Variants in MAVS observed in about 807,000 individuals in gnomAD.
MAVS encodes the protein mitochondrial antiviral-signaling protein.
Under a neutral mutation model 30.2 loss-of-function variants are expected in MAVS, and 20 were observed. The observed-to-expected ratio is 0.66, with a 90% confidence interval of 0.47 to 0.96. The LOEUF (loss-of-function observed/expected upper bound fraction) is 0.96. MAVS is among the 40% of genes least tolerant of loss of function. MAVS has a pLI of 0.00. For synonymous variants in MAVS, 278 were observed against 293.9 expected (o/e 0.95, Z 0.55); for missense variants, 624 against 701.1 (o/e 0.89, Z 1.24).
At chr20:3,853,953 A>ATT (rs56392229) in intron 1 of MAVS, among the ~76,000 whole-genome samples, 1,585 of 132,728 alleles carry the variant, frequency 0.012, 25 homozygotes, top group East Asian at 0.038. Context: ...ATGCCCAGCT[A>ATT]TTTTTTTTTT....
rs2089911670 is a variant in MAVS at position 3,866,697 on chromosome 20, C to T, written c.*550C>T. 2.8e-6 allele frequency: 1 copy of T among 359,566 alleles called. No individual in the cohort carries two copies. The highest frequency in any genetic ancestry group is 5.5e-6 in the Non-Finnish European group (1 of 182,364). The allele number at this position is 359,566 out of a possible 1,614,324, so 22.3% of individuals were successfully genotyped here. Reference sequence around the variant, plus strand: ...AGCCCAACTGCCTTGAGTTCCTGCCCCACTGGGCCCCCTCCCCTGCTGGGC... The same window carrying T: ...AGCCCAACTGCCTTGAGTTCCTGCCTCACTGGGCCCCCTCCCCTGCTGGGC... On this transcript the variant is annotated 3_prime_UTR_variant, in exon 7 of 7. Transcript: ENST00000428216.
At chr20:3,849,246 G>C (rs1394614651) in intron 1 of MAVS, among the ~76,000 whole-genome samples, 1 of 137,666 alleles carries the variant, frequency 7.3e-6, no homozygotes, top group Non-Finnish European at 1.5e-5. Flanking sequence ...TTTTGATCTT[G>C]TCACCCAGGC....
chr20:3,848,611 T>C (rs192417739), intron 1 of MAVS, among the ~76,000 whole-genome samples: 135 of 152,306 alleles, frequency 8.9e-4, no homozygotes, highest in Non-Finnish European at 1.3e-3. Flanking sequence ...GAAGGTCTGG[T>C]GGCCCAACAG....
chr20:3,851,951 C>A (rs1384590524), intron 1 of MAVS, among the ~76,000 whole-genome samples: 1 of 149,014 alleles, frequency 6.7e-6, no homozygotes, highest in East Asian at 2.0e-4. Context: ...GTCTGGAACT[C>A]TGTCTCAAAA....
intron 2 of MAVS, among the ~76,000 whole-genome samples, chr20:3,856,510 C>T (rs1312543818): frequency 2.0e-5 from 3 of 151,832 alleles, no homozygotes; most frequent in Non-Finnish European, 4.4e-5. Flanking sequence ...TGCTACCACA[C>T]CCGGCTAATT....
rs770668992 is a variant in MAVS, at chr20:3,865,840, T to C, written c.1316T>C (p.Leu439Pro). ...DSPFSGCFED[L>P]AISASTSLGM... ...CCGTTCTCGGGCTGCTTCGAGGATCTTGCCATCAGTGCCAGCACCTCCTTG... is the reference window on the plus strand; with the variant it reads ...CCGTTCTCGGGCTGCTTCGAGGATCCTGCCATCAGTGCCAGCACCTCCTTG... Residue 439 changes from leucine to proline, a missense_variant, in exon 7 of 7, where the codon CTT becomes CCT. Physicochemically the swap from Leu to Pro is moderately conservative, Grantham distance 98 (BLOSUM62 -3). Transcript: ENST00000428216. The surrounding 1 kb of genome is among the most constrained non-coding windows in gnomAD (Gnocchi z 4.7). 1.2e-5 allele frequency: 19 copies of C among 1,613,932 alleles called. No individual in the cohort carries two copies. In the South Asian group the frequency reaches 2.1e-4, roughly 18 times the overall value.
chr20:3,847,893 A>G (rs1219512377), intron 1 of MAVS, among the ~76,000 whole-genome samples: 1 of 152,170 alleles, frequency 6.6e-6, no homozygotes, highest in Non-Finnish European at 1.5e-5. Context: ...CTGTCACGGG[A>G]TTGGGGAAGG....
At chr20:3,861,632 A>G in intron 4 of MAVS, 128 bp downstream of exon 4, 2 of 1,049,388 alleles carry the variant, frequency 1.9e-6, no homozygotes, top group East Asian at 5.2e-5. Flanking sequence ...TCAGAACCCT[A>G]GGGCTTCCTC....
rs927730431 is a variant in MAVS at position 3,868,216 on chromosome 20, C to T, written c.*2069C>T. ...TCCCCCACCACCAATCTTAAAAAGC[C>T]CTCTGTCCCCCTACCCTAAACCCCA... is the stretch of plus-strand genomic sequence containing the variant. On this transcript the variant is annotated 3_prime_UTR_variant, in exon 7 of 7. Transcript: ENST00000428216. 5.9e-5 allele frequency: 9 copies of T among 152,336 alleles called. No individual in the cohort carries two copies. Among genetic ancestry groups the T allele is most frequent in the African/African-American group, 2.2e-4 (9 of 41,430 alleles). 9.4% of individuals were successfully genotyped at this position (152,336 alleles called of 1,614,324 possible).
Position 3,862,221 on chromosome 20 carries a change from C to G in MAVS, c.466-33C>G, listed in dbSNP as rs770232365. 19 of 1,604,650 alleles carry G rather than the reference C, an allele frequency of 1.2e-5. No homozygotes were observed. The African/African-American group carries it at 2.1e-4, about 18-fold the overall frequency. Reference sequence around the variant, plus strand: ...GCCCTTTGTGAGCTCTTGGGAGAGGCAACTGCCTTATTCATATTTTCCCTC... The same window carrying G: ...GCCCTTTGTGAGCTCTTGGGAGAGGGAACTGCCTTATTCATATTTTCCCTC... On this transcript the variant is annotated intron_variant, in intron 4 of 6. Transcript: ENST00000428216.
rs2089929921 is a variant in MAVS, at chr20:3,868,781, GTGGGAAGATAAGT to G, written c.*2635_*2647del. On this transcript the variant is annotated 3_prime_UTR_variant, in exon 7 of 7. Coordinates refer to ENST00000428216, the MANE Select transcript of MAVS (RefSeq NM_020746.5). ...AGTCCCAGCTACATGGGAGGCTGAG[GTGGGAAGATAAGT>G]CACTTGAGCCCGCCAGGAGGCGGAG... 6.6e-6 allele frequency: 1 copy of G among 152,186 alleles called. No homozygotes were observed. The highest frequency in any genetic ancestry group is 2.4e-5 in the African/African-American group (1 of 41,438). 9.4% of individuals were successfully genotyped at this position (152,186 alleles called of 1,614,324 possible). A position where few individuals can be genotyped will look rare whatever the true frequency, so the allele number is the denominator to read the frequency against.
intron 2 of MAVS, among the ~76,000 whole-genome samples, chr20:3,856,735 A>C (rs556004782): frequency 6.6e-6 from 1 of 152,008 alleles, no homozygotes; most frequent in Admixed American, 6.6e-5. Context: ...GAATTCAGGT[A>C]GACATAAAAA....
At chr20:3,848,549 A>C (rs1421808876) in intron 1 of MAVS, among the ~76,000 whole-genome samples, 1 of 152,132 alleles carries the variant, frequency 6.6e-6, no homozygotes, top group South Asian at 2.1e-4. Context: ...TGGCAAAGCA[A>C]CTCATGCATG....
In MAVS at chr20:3,866,200, T is replaced by C. The variant is rs35979853; in HGVS notation, c.*53T>C. 15,209 of 1,461,632 alleles carry C rather than the reference T, an allele frequency of 0.01. 103 individuals carry two copies. The highest frequency in any genetic ancestry group is 0.012 in the Non-Finnish European group (13,664 of 1,095,954). 90.5% of individuals were successfully genotyped at this position (1,461,632 alleles called of 1,614,324 possible). On this transcript the variant is annotated 3_prime_UTR_variant, in exon 7 of 7. Transcript: ENST00000428216. Reference sequence around the variant, plus strand: ...ATCTGTTCCGTTCCTGCAGTACACCTGGCCCCTCTCCGAAGCCCCTTGTCC... The same window carrying C: ...ATCTGTTCCGTTCCTGCAGTACACCCGGCCCCTCTCCGAAGCCCCTTGTCC...
chr20:3,853,573 CG>C (rs1457661450), intron 1 of MAVS, among the ~76,000 whole-genome samples: 3 of 151,762 alleles, frequency 2.0e-5, no homozygotes, highest in Admixed American at 1.3e-4. Context: ...GCAGGGGGAT[CG>C]CTTGAGGCCA....
At chr20:3,850,187 G>A (rs1485150470) in intron 1 of MAVS, among the ~76,000 whole-genome samples, 2 of 140,720 alleles carry the variant, frequency 1.4e-5, no homozygotes. Context: ...TGAGGCAGGA[G>A]AATGGTGTGA....
rs1287645965 is a variant in MAVS at position 3,867,231 on chromosome 20, ATCTG to A, written c.*1091_*1094del. 3.8e-5 allele frequency: 14 copies of A among 364,296 alleles called. No individual in the cohort carries two copies. The highest frequency in any genetic ancestry group is 8.2e-5 in the South Asian group (4 of 48,980). 22.6% of individuals were successfully genotyped at this position (364,296 alleles called of 1,614,324 possible). A position where few individuals can be genotyped will look rare whatever the true frequency, so the allele number is the denominator to read the frequency against. ...CTCTGTGACCTTGGGCAAGGGATTTATCTGTCTGTCCCTTAGTTTTCTCACCTGT... is the reference window on the plus strand; with the variant it reads ...CTCTGTGACCTTGGGCAAGGGATTTATCTGTCCCTTAGTTTTCTCACCTGT... On this transcript the variant is annotated 3_prime_UTR_variant, in exon 7 of 7. Coordinates refer to ENST00000428216, the MANE Select transcript of MAVS (RefSeq NM_020746.5).
At position 3,862,382 on chromosome 20, in the gene MAVS, G is replaced by A; in HGVS notation, c.594G>A (p.Gln198=). The A allele has an allele frequency of 1.2e-6, 2 of 1,614,082 alleles. No homozygotes were observed. Among genetic ancestry groups the A allele is most frequent in the Non-Finnish European group, 1.7e-6 (2 of 1,180,012 alleles). The change falls in exon 5 of 7, where the codon CAG becomes CAA. Residue 198 remains glutamine, a synonymous_variant. Transcript: ENST00000428216. ...SPLTSSGHQE[Q]DTELGSTHTA... ...TGACCTCCAGCGGGCATCAGGAGCA[G>A]GACACAGAACTGGGCAGTACCCACA... is the stretch of plus-strand genomic sequence containing the variant.
intron 3 of MAVS, among the ~76,000 whole-genome samples, chr20:3,860,682 CT>C (rs2089859064): frequency 6.7e-6 from 1 of 148,892 alleles, no homozygotes; most frequent in African/African-American, 2.5e-5. Context: ...GCTTCTTTTT[CT>C]TTTTTTCCCC....
Sources: gnomAD v4.1 joint callset for allele counts (sites outside exome capture counted in the v4.1 genomes callset) on GRCh38, gnomAD v4.1.1 for gene constraint, Gnocchi (gnomAD v3.1) non-coding constraint, MANE v1.5 for transcripts, NCBI Gene and HGNC (gene_info 2026-07-23, HGNC 2026-07-21) for gene names.